Variants in CACHD1 observed in about 807,000 individuals in gnomAD.
CACHD1 encodes the protein cache domain containing 1.
A neutral mutation model predicts 138.7 loss-of-function variants in CACHD1; 71 were observed. The observed-to-expected ratio is 0.51, with a 90% CI of 0.42 to 0.62. The LOEUF (loss-of-function observed/expected upper bound fraction) is 0.62, where lower values mean the gene tolerates loss of function less well. CACHD1 is among the 20% of genes least tolerant of loss of function. The probability of loss-of-function intolerance (pLI) is 0.00; values close to 1 mark genes in which losing one functional copy is unlikely to be tolerated. For missense variants in CACHD1, 1,389 were observed against 1,625.3 expected (o/e 0.85, Z 2.50); for synonymous variants, 578 against 591.5 (o/e 0.98, Z 0.33).
At chr1:64,597,524 G>GTTTTTTTTTTTTT (rs34162933) in intron 3 of CACHD1, among the ~76,000 whole-genome samples, 8 of 80,404 alleles carry the variant, frequency 9.9e-5, no homozygotes, top group African/African-American at 1.4e-4. Flanking sequence ...TTTTTTTGTT[G>GTTTTTTTTTTTTT]TTTTTTTTTT....
rs150515131 is a variant in CACHD1 at position 64,578,032 on chromosome 1, G to C, written c.262-4124G>C. 6.0e-3 allele frequency among the ~76,000 whole-genome samples: 915 copies of C among 152,322 alleles called. 2 individuals carry two copies. The highest frequency in any genetic ancestry group is 0.024 in the Middle Eastern group (7 of 294). On this transcript the variant is annotated intron_variant, in intron 2 of 26. Transcript: ENST00000651257. ...AAGATTCAGTTCCACAGCCAGCCCAGAGTTGAGGACCTTTTAACATTCTGC... is the reference window on the plus strand; with the variant it reads ...AAGATTCAGTTCCACAGCCAGCCCACAGTTGAGGACCTTTTAACATTCTGC...
At chr1:64,666,848 CA>C (rs946649209) in intron 16 of CACHD1, among the ~76,000 whole-genome samples, 659 of 33,980 alleles carry the variant, frequency 0.019, no homozygotes, top group African/African-American at 0.063. Flanking sequence ...GATCCTGTCT[CA>C]AAAAAAAAAA....
At chr1:64,581,731 CT>C (rs749680858) in intron 2 of CACHD1, among the ~76,000 whole-genome samples, 1 of 152,168 alleles carries the variant, frequency 6.6e-6, no homozygotes, top group Non-Finnish European at 1.5e-5. Flanking sequence ...TATTATCCCC[CT>C]TGAAAAACCG....
At chr1:64,641,069 T>C (rs993554220) in intron 7 of CACHD1, among the ~76,000 whole-genome samples, 1 of 152,192 alleles carries the variant, frequency 6.6e-6, no homozygotes, top group African/African-American at 2.4e-5. Flanking sequence ...TTCTTTTTTT[T>C]CTCTTTTACC....
At chr1:64,584,745 A>G (rs1647037984) in intron 3 of CACHD1, among the ~76,000 whole-genome samples, 1 of 152,094 alleles carries the variant, frequency 6.6e-6, no homozygotes, top group Non-Finnish European at 1.5e-5. Flanking sequence ...ATTGTATTTA[A>G]TTTTTATACT....
chr1:64,673,530 A>G, intron 19 of CACHD1, 66 bp downstream of exon 19: 1 of 1,237,868 alleles, frequency 8.1e-7, no homozygotes, highest in Non-Finnish European at 1.2e-6. Context: ...AATTGGAATC[A>G]TGGCTAGTGT....
rs1319038012 is a variant in CACHD1, at chr1:64,477,623, TA to T, written c.198+6682del. Reference sequence around the variant, plus strand: ...TTATTATTATTATTATTATTATTATTATTTTATTTTATTTTTTTTTTTGAGA... The same window carrying T: ...TTATTATTATTATTATTATTATTATTTTTTATTTTATTTTTTTTTTTGAGA... On this transcript the variant is annotated intron_variant, in intron 1 of 26. Transcript: ENST00000651257. 2.7e-3 allele frequency among the ~76,000 whole-genome samples: 381 copies of T among 141,058 alleles called. 2 individuals carry two copies. Among genetic ancestry groups the T allele is most frequent in the African/African-American group, 8.7e-3 (307 of 35,444 alleles). 92.5% of individuals were successfully genotyped at this position (141,058 alleles called of 152,430 possible). A position where few individuals can be genotyped will look rare whatever the true frequency, so the allele number is the denominator to read the frequency against.
At chr1:64,630,124 C>T (rs1164060291) in intron 5 of CACHD1, among the ~76,000 whole-genome samples, 1 of 152,148 alleles carries the variant, frequency 6.6e-6, no homozygotes, top group Non-Finnish European at 1.5e-5. Context: ...TGACAGTTTC[C>T]TGTTTGCAGT....
chr1:64,486,960 AATG>A (rs1208382867), intron 1 of CACHD1, among the ~76,000 whole-genome samples: 5 of 152,158 alleles, frequency 3.3e-5, no homozygotes, highest in Non-Finnish European at 7.4e-5. Flanking sequence ...TGGAGGCATG[AATG>A]ATGATTGGTA....
At chr1:64,593,390 A>G (rs1317859937) in intron 3 of CACHD1, among the ~76,000 whole-genome samples, 1 of 152,220 alleles carries the variant, frequency 6.6e-6, no homozygotes, top group African/African-American at 2.4e-5. Flanking sequence ...ATGATATAAA[A>G]TGTTTAACCT....
intron 1 of CACHD1, among the ~76,000 whole-genome samples, chr1:64,507,799 T>C (rs1329309296): frequency 6.6e-6 from 1 of 152,228 alleles, no homozygotes; most frequent in Non-Finnish European, 1.5e-5. Flanking sequence ...GTCAGAAGAC[T>C]TGAGTTCAAA....
chr1:64,675,313 G>T, intron 19 of CACHD1, 88 bp from the exon 20 acceptor site: 3 of 963,058 alleles, frequency 3.1e-6, no homozygotes, highest in East Asian at 2.5e-5. Flanking sequence ...GCTATTTTTC[G>T]TAGGTAGTTG....
At chr1:64,532,757 T>A (rs1646597984) in intron 1 of CACHD1, among the ~76,000 whole-genome samples, 1 of 152,174 alleles carries the variant, frequency 6.6e-6, no homozygotes, top group Non-Finnish European at 1.5e-5. Flanking sequence ...GGCAAGAGAC[T>A]TAGAGTCTTG....
chr1:64,637,907 C>A (rs2100652275), intron 7 of CACHD1, among the ~76,000 whole-genome samples: 2 of 152,318 alleles, frequency 1.3e-5, no homozygotes, highest in Middle Eastern at 3.4e-3. Flanking sequence ...TAGATTTCAA[C>A]TAGTGTTCTA....
chr1:64,596,441 C>T (rs577003986), intron 3 of CACHD1, among the ~76,000 whole-genome samples: 1 of 152,316 alleles, frequency 6.6e-6, no homozygotes, highest in East Asian at 1.9e-4. Context: ...CCCTGTTAGG[C>T]TGTTACTAGG....
chr1:64,652,220 G>A lies in CACHD1; in HGVS notation c.1450G>A (p.Gly484Ser). 1 of 1,613,680 alleles carries A rather than the reference G, an allele frequency of 6.2e-7. No individual in the cohort carries two copies. Among genetic ancestry groups the A allele is most frequent in the Non-Finnish European group, 8.5e-7 (1 of 1,179,730 alleles). The change falls in exon 10 of 27, where the codon GGT becomes AGT. Residue 484 changes from glycine to serine, a missense_variant. Around this residue, in one of 5 missense-constraint regions of CACHD1, gnomAD observed 1,000 missense variants for 1,114.7 expected, o/e 0.90. Transcript: ENST00000651257. ...TGGAAACCTACTTCTGGGAATTGTA[G>A]GTGTGGACGTGAATCTGGCTTACAT... Reference protein sequence around the residue: ...YFGNLLLGIVGVDVNLAYILE... With the variant: ...YFGNLLLGIVSVDVNLAYILE...
intron 2 of CACHD1, among the ~76,000 whole-genome samples, chr1:64,572,521 A>G (rs1344912648): frequency 6.6e-6 from 1 of 152,094 alleles, no homozygotes; most frequent in Admixed American, 6.6e-5. Context: ...TGTGTATTGC[A>G]GTGACTCTCC....
At chr1:64,526,238 G>A (rs1646537474) in intron 1 of CACHD1, among the ~76,000 whole-genome samples, 1 of 152,064 alleles carries the variant, frequency 6.6e-6, no homozygotes, top group Non-Finnish European at 1.5e-5. Flanking sequence ...ATGGATTCCT[G>A]AGCCACAGTT....
At position 64,543,866 on chromosome 1, in the gene CACHD1, C is replaced by CTTTTTTTT. The variant is rs370129207; in HGVS notation, c.199-6712_199-6705dup. On this transcript the variant is annotated intron_variant, in intron 1 of 26. Coordinates refer to ENST00000651257, the MANE Select transcript of CACHD1 (RefSeq NM_020925.4). The stretch of plus-strand genomic sequence containing the variant: ...GTTTTCATTAATTACCTTTTCAGTG[C>CTTTTTTTT]TTTTTTTTTTTTTTTTTTTTTTTGG... Among the ~76,000 whole-genome samples, 19 of 77,506 alleles carry CTTTTTTTT rather than the reference C, an allele frequency of 2.5e-4. 1 individual carries two copies. The highest frequency in any genetic ancestry group is 4.0e-4 in the Non-Finnish European group (17 of 42,640). 50.8% of individuals were successfully genotyped at this position (77,506 alleles called of 152,430 possible).
Sources: gnomAD v4.1 joint callset for allele counts (sites outside exome capture counted in the v4.1 genomes callset) on GRCh38, gnomAD v4.1.1 for gene constraint, gnomAD v4.1.1 regional missense constraint, MANE v1.5 for transcripts, NCBI Gene and HGNC (gene_info 2026-07-23, HGNC 2026-07-21) for gene names.